The following HTR1F variants were observed in gnomAD, a reference collection of about 807,000 sequenced individuals.
HTR1F encodes 5-hydroxytryptamine (serotonin) receptor 1F, G protein-coupled.
A neutral mutation model predicts 24.0 loss-of-function variants in HTR1F; 17 were observed. The observed-to-expected ratio is 0.71, with a 90% confidence interval of 0.48 to 1.06. HTR1F has a LOEUF of 1.06. Ranked by LOEUF, HTR1F falls within the 50% of genes least tolerant of loss-of-function variation. The pLI, the probability that HTR1F is intolerant of heterozygous loss-of-function variation, is 0.00. For synonymous variants in HTR1F, 186 were observed against 156.8 expected, an observed-to-expected ratio of 1.19 and a Z score of -1.39; for missense variants, 391 against 427.8, an observed-to-expected ratio of 0.91 and a Z score of 0.76.
intron 2 of HTR1F, among the ~76,000 whole-genome samples, chr3:87,963,177 ACTT>A (rs983964384): frequency 1.3e-5 from 2 of 152,068 alleles, no homozygotes; most frequent in Non-Finnish European, 2.9e-5. Flanking sequence ...CAGTTATTGG[ACTT>A]CTTCTTTATT....
intron 2 of HTR1F, among the ~76,000 whole-genome samples, chr3:87,894,969 G>A (rs1446272706): frequency 6.6e-6 from 1 of 151,982 alleles, no homozygotes; most frequent in Non-Finnish European, 1.5e-5. Context: ...CTTAGTGAAT[G>A]GTATTATTAC....
Position 87,991,084 on chromosome 3 carries a change from T to G in HTR1F, c.335T>G (p.Leu112Trp), listed in dbSNP as rs750000681. 108 of 1,613,938 alleles carry G rather than the reference T, an allele frequency of 6.7e-5. No individual in the cohort carries two copies. Among genetic ancestry groups the G allele is most frequent in the Non-Finnish European group, 9.1e-5 (107 of 1,180,024 alleles). Reference protein sequence around the residue: ...VDITCCTCSILHLSAIALDRY... With the variant: ...VDITCCTCSIWHLSAIALDRY... ...ATTACCTGCTGCACGTGCTCCATCT[T>G]GCATCTCTCAGCTATAGCTTTGGAT... Residue 112 changes from leucine to tryptophan, a missense_variant, in exon 3 of 3, where the codon TTG (leucine) becomes TGG (tryptophan). Leu to Trp is a moderately conservative substitution (Grantham distance 61, BLOSUM62 -2). Coordinates refer to ENST00000319595, the MANE Select transcript of HTR1F (RefSeq NM_001322209.2).
chr3:87,939,299 G>T (rs150470207), intron 2 of HTR1F, among the ~76,000 whole-genome samples: 1 of 152,088 alleles, frequency 6.6e-6, no homozygotes, highest in Non-Finnish European at 1.5e-5. Flanking sequence ...GGATTTTCGC[G>T]TTGATGTTCA....
At chr3:87,842,135 A>C (rs1704821830) in intron 2 of HTR1F, among the ~76,000 whole-genome samples, 1 of 151,692 alleles carries the variant, frequency 6.6e-6, no homozygotes, top group Non-Finnish European at 1.5e-5. Context: ...TTAGCAATTC[A>C]GCAACTCAAA....
At chr3:87,845,433 CCAA>C (rs1383310074) in intron 2 of HTR1F, among the ~76,000 whole-genome samples, 2 of 149,236 alleles carry the variant, frequency 1.3e-5, no homozygotes, top group African/African-American at 5.0e-5. Flanking sequence ...TTCCTATACA[CCAA>C]CAACAGACAA....
At chr3:87,803,446 G>A (rs1005747018) in intron 1 of HTR1F, among the ~76,000 whole-genome samples, 6 of 152,026 alleles carry the variant, frequency 3.9e-5, no homozygotes, top group Admixed American at 2.0e-4. Flanking sequence ...TCTAAGGGGG[G>A]AAAATCTATC....
chr3:87,963,202 G>T (rs566110159), intron 2 of HTR1F, among the ~76,000 whole-genome samples: 1 of 152,024 alleles, frequency 6.6e-6, no homozygotes, highest in East Asian at 1.9e-4. Context: ...AAGCATCCTT[G>T]TTTTCTTGAT....
chr3:87,882,894 A>G (rs1705840079), intron 2 of HTR1F, among the ~76,000 whole-genome samples: 1 of 152,228 alleles, frequency 6.6e-6, no homozygotes, highest in African/African-American at 2.4e-5. Flanking sequence ...AAAAGGCAGC[A>G]GACAACTTCT....
intron 2 of HTR1F, among the ~76,000 whole-genome samples, chr3:87,859,565 C>T (rs1559608683): frequency 6.6e-6 from 1 of 152,128 alleles, no homozygotes; most frequent in Non-Finnish European, 1.5e-5. Flanking sequence ...CTTGGAGCAG[C>T]CCGGCATACT....
At chr3:87,822,792 T>A (rs1396620417) in intron 2 of HTR1F, among the ~76,000 whole-genome samples, 1 of 152,176 alleles carries the variant, frequency 6.6e-6, no homozygotes, top group African/African-American at 2.4e-5. Flanking sequence ...ACATAAGAAA[T>A]GAAACAACAT....
At position 87,933,664 on chromosome 3, in the gene HTR1F, T is replaced by C. The variant is rs1704340264; in HGVS notation, c.-42-57044T>C. Among the ~76,000 whole-genome samples, 3 of 152,192 alleles carry C rather than the reference T, an allele frequency of 2.0e-5. No homozygotes were observed. In the South Asian group the frequency reaches 6.2e-4, roughly 31 times the overall value. ...ACTTGCAAGGGACATGAAGGACCTC[T>C]TCAAGGAGAATTACAAACCACTGCT... On this transcript the variant is annotated intron_variant, in intron 2 of 2. Transcript: ENST00000319595.
chr3:87,965,273 G>A (rs1245126944), intron 2 of HTR1F, among the ~76,000 whole-genome samples: 5 of 152,084 alleles, frequency 3.3e-5, no homozygotes, highest in African/African-American at 1.2e-4. Flanking sequence ...ATATGAACTT[G>A]CAGAAAGTCT....
chr3:87,952,125 C>G (rs1704847108), intron 2 of HTR1F, among the ~76,000 whole-genome samples: 2 of 151,934 alleles, frequency 1.3e-5, no homozygotes, highest in Admixed American at 6.6e-5. Flanking sequence ...CATATCCTCT[C>G]AAGTTGAGTC....
rs187289992 is a variant in HTR1F, at chr3:87,929,153, T to C, written c.-42-61555T>C. Among the ~76,000 whole-genome samples the C allele has an allele frequency of 2.1e-3, 322 of 152,150 alleles. 1 individual carries two copies. Among genetic ancestry groups the C allele is most frequent in the Non-Finnish European group, 2.9e-3 (200 of 67,996 alleles). On this transcript the variant is annotated intron_variant, in intron 2 of 2. Transcript: ENST00000319595. Reference sequence around the variant, plus strand: ...AAACAAATTTCAACAGTTAAGATGTTCCCCCCTTACATGATGTTGGTAGCT... The same window carrying C: ...AAACAAATTTCAACAGTTAAGATGTCCCCCCCTTACATGATGTTGGTAGCT...
intron 2 of HTR1F, among the ~76,000 whole-genome samples, chr3:87,937,351 C>T (rs1368056843): frequency 2.0e-5 from 3 of 151,990 alleles, no homozygotes; most frequent in Non-Finnish European, 4.4e-5. Context: ...ATTAGGTAAA[C>T]AGAACTAAAA....
intron 2 of HTR1F, among the ~76,000 whole-genome samples, chr3:87,892,665 C>T (rs1706109667): frequency 6.6e-6 from 1 of 152,064 alleles, no homozygotes; most frequent in Non-Finnish European, 1.5e-5. Flanking sequence ...TACTTTTCAA[C>T]TTAGATTCAC....
chr3:87,979,099 G>T, intron 2 of HTR1F, among the ~76,000 whole-genome samples: 1 of 30,614 alleles, frequency 3.3e-5, no homozygotes, highest in East Asian at 1.5e-3. Flanking sequence ...AAGGAAGGAA[G>T]GAAGGAAGGG....
intron 2 of HTR1F, among the ~76,000 whole-genome samples, chr3:87,911,443 T>C (rs1168566665): frequency 4.0e-5 from 6 of 151,898 alleles, no homozygotes; most frequent in Non-Finnish European, 8.8e-5. Context: ...GAATAGACAA[T>C]TAACAGGCTC....
intron 2 of HTR1F, among the ~76,000 whole-genome samples, chr3:87,884,290 T>A (rs1575985819): frequency 6.6e-6 from 1 of 152,280 alleles, no homozygotes; most frequent in East Asian, 1.9e-4. Flanking sequence ...GACAAGCAAA[T>A]GCTGAGAAAT....
Sources: allele counts gnomAD v4.1 joint callset (sites outside exome capture counted in the v4.1 genomes callset), GRCh38; gene constraint gnomAD v4.1.1; transcripts MANE v1.5; gene names NCBI Gene and HGNC (gene_info 2026-07-23, HGNC 2026-07-21).